Variants in FBXW7 observed in about 807,000 individuals in gnomAD.
FBXW7 encodes F-box/WD repeat-containing protein 7.
FBXW7 carries 11 observed loss-of-function variants against 86.3 expected under a neutral mutation model. That is an observed-to-expected ratio of 0.13 (90% CI 0.08 to 0.21). FBXW7 has a LOEUF of 0.21. FBXW7 is among the 10% of genes least tolerant of loss of function. The probability of loss-of-function intolerance (pLI) is 1.00; values close to 1 mark genes in which losing one functional copy is unlikely to be tolerated. For missense variants in FBXW7, 488 were observed against 847.4 expected, an observed-to-expected ratio of 0.58 and a Z score of 5.27; for synonymous variants, 313 against 297.9, an observed-to-expected ratio of 1.05 and a Z score of -0.52.
In FBXW7 at chr4:152,324,293, C is replaced by T. The variant is rs1184624754; in HGVS notation, c.1746G>A (p.Ser582=). ...NCIHTLTGHQ[S]LTSGMELKDN... ...CTTTGAGTTCCATTCCACTTGTTAACGACTGGTGCCCTGTTAACGTGTGAA... is the reference window on the plus strand; with the variant it reads ...CTTTGAGTTCCATTCCACTTGTTAATGACTGGTGCCCTGTTAACGTGTGAA... Residue 582 remains serine, a synonymous_variant, in exon 13 of 14, where the codon TCG becomes TCA. Coordinates refer to ENST00000281708, the MANE Select transcript of FBXW7 (RefSeq NM_001349798.2). The T allele has an allele frequency of 1.9e-6, 3 of 1,612,982 alleles. No individual in the cohort carries two copies. The highest frequency in any genetic ancestry group is 1.6e-4 in the Middle Eastern group (1 of 6,064).
intron 2 of FBXW7, among the ~76,000 whole-genome samples, chr4:152,477,765 C>T (rs1579307700): frequency 6.6e-6 from 1 of 152,020 alleles, no homozygotes; most frequent in African/African-American, 2.4e-5. Context: ...GACACCTTTT[C>T]CAGTTTGGTT....
At chr4:152,458,388 A>G (rs765209919) in intron 2 of FBXW7, among the ~76,000 whole-genome samples, 44 of 152,128 alleles carry the variant, frequency 2.9e-4, no homozygotes, top group Non-Finnish European at 8.8e-5. Flanking sequence ...GAGCACATCT[A>G]TTTTCATCTT....
intron 4 of FBXW7, among the ~76,000 whole-genome samples, chr4:152,397,695 CAAAAAAAAAAAAAAA>C (rs397995836): frequency 5.0e-5 from 3 of 60,406 alleles, no homozygotes; most frequent in Non-Finnish European, 1.0e-4. Context: ...CCTAAGAAGC[CAAAAAAAAAAAAAAA>C]AAAAAAAAAA....
Position 152,411,528 on chromosome 4 carries a change from T to C in FBXW7, c.276A>G (p.Ser92=), listed in dbSNP as rs527954747. ...CTTCCTCTTGTTCTTCTTGGTTTCCTGAGGAGTCCTCATCTACCGAAATAA... is the reference window on the plus strand; with the variant it reads ...CTTCCTCTTGTTCTTCTTGGTTTCCCGAGGAGTCCTCATCTACCGAAATAA... ...NRFISVDEDS[S]GNQEEQEEDE... The change falls in exon 4 of 14, where the codon TCA becomes TCG. Residue 92 remains serine (S), a synonymous_variant. Coordinates refer to ENST00000281708, the MANE Select transcript of FBXW7 (RefSeq NM_001349798.2). 11 of 1,613,974 alleles carry C rather than the reference T, an allele frequency of 6.8e-6. No individual in the cohort carries two copies. In the East Asian group the frequency reaches 1.8e-4, roughly 26 times the overall value.
At chr4:152,473,260 A>G (rs1744120148) in intron 2 of FBXW7, among the ~76,000 whole-genome samples, 1 of 152,150 alleles carries the variant, frequency 6.6e-6, no homozygotes, top group Non-Finnish European at 1.5e-5. Context: ...AACAAAAACA[A>G]AAGTCTTGCT....
chr4:152,482,652 T>C (rs1302949332), intron 2 of FBXW7, among the ~76,000 whole-genome samples: 1 of 152,162 alleles, frequency 6.6e-6, no homozygotes, highest in African/African-American at 2.4e-5. Flanking sequence ...GCTACTGAGA[T>C]TGTCCATGCT....
intron 2 of FBXW7, among the ~76,000 whole-genome samples, chr4:152,493,233 T>A (rs963577164): frequency 2.6e-5 from 4 of 152,000 alleles, no homozygotes; most frequent in Admixed American, 2.0e-4. Flanking sequence ...GGCGCAATCT[T>A]GGCTCACTGC....
At chr4:152,428,408 T>G (rs1275958414) in intron 2 of FBXW7, among the ~76,000 whole-genome samples, 1 of 152,206 alleles carries the variant, frequency 6.6e-6, no homozygotes, top group African/African-American at 2.4e-5. Flanking sequence ...CTAATAAATA[T>G]TCTTTATTCT....
intron 12 of FBXW7, chr4:152,325,752 A>T: frequency 4.8e-6 from 2 of 412,666 alleles, no homozygotes; most frequent in Non-Finnish European, 8.7e-6. Context: ...CAAAACTTAG[A>T]GCCCCAAAGT....
At chr4:152,470,374 A>G (rs1409161386) in intron 2 of FBXW7, among the ~76,000 whole-genome samples, 2 of 152,134 alleles carry the variant, frequency 1.3e-5, no homozygotes, top group Non-Finnish European at 2.9e-5. Flanking sequence ...CATATAATGT[A>G]ACACATTCTG....
intron 2 of FBXW7, among the ~76,000 whole-genome samples, chr4:152,455,560 G>GTT (rs1742324759): frequency 6.6e-6 from 1 of 152,038 alleles, no homozygotes; most frequent in Non-Finnish European, 1.5e-5. Context: ...GATAATCTAG[G>GTT]TTTTCTCCAT....
chr4:152,324,523 AGATAAAGTGGCAATGAG>A (rs1728834052), intron 12 of FBXW7, 129 bp from the exon 13 acceptor site: 3 of 703,530 alleles, frequency 4.3e-6, no homozygotes, highest in Non-Finnish European at 7.2e-6. Context: ...TGAGGTACTA[AGATAAAGTGGCAATGAG>A]GATAAAGTGC....
At chr4:152,443,796 C>T (rs773510694) in intron 2 of FBXW7, among the ~76,000 whole-genome samples, 4 of 152,096 alleles carry the variant, frequency 2.6e-5, no homozygotes, top group Non-Finnish European at 5.9e-5. Context: ...AAAGGATTTA[C>T]AATCTTCTAA....
intron 2 of FBXW7, among the ~76,000 whole-genome samples, chr4:152,511,331 G>A (rs1367508454): frequency 2.0e-5 from 3 of 147,136 alleles, no homozygotes; most frequent in Non-Finnish European, 4.5e-5. Context: ...GTCCTCTGTG[G>A]AGTGCATGAC....
chr4:152,474,622 A>C (rs902182493), intron 2 of FBXW7, among the ~76,000 whole-genome samples: 1 of 152,196 alleles, frequency 6.6e-6, no homozygotes, highest in Non-Finnish European at 1.5e-5. Context: ...CTTATACAGA[A>C]TTGAATCCTA....
chr4:152,402,805 T>TC (rs1320520950), intron 4 of FBXW7, among the ~76,000 whole-genome samples: 3 of 152,184 alleles, frequency 2.0e-5, no homozygotes, highest in Non-Finnish European at 2.9e-5. Flanking sequence ...AGCAATCTTC[T>TC]CCTATGAAAA....
At chr4:152,391,144 C>A (rs79195900) in intron 4 of FBXW7, among the ~76,000 whole-genome samples, 2,076 of 151,954 alleles carry the variant, frequency 0.014, 26 homozygotes, top group Middle Eastern at 0.034. Flanking sequence ...ATGTGCTATG[C>A]AAGTATGTGA....
At chr4:152,412,800 G>A (rs1738086023) in intron 2 of FBXW7, among the ~76,000 whole-genome samples, 1 of 152,008 alleles carries the variant, frequency 6.6e-6, no homozygotes, top group South Asian at 2.1e-4. Flanking sequence ...ACTGTATGAA[G>A]ACTAGAAGAC....
At chr4:152,484,387 T>C (rs1297088074) in intron 2 of FBXW7, among the ~76,000 whole-genome samples, 2 of 152,164 alleles carry the variant, frequency 1.3e-5, no homozygotes, top group East Asian at 1.9e-4. Context: ...ATGACCCTTT[T>C]TGCAGTTCAA....
Sources: gnomAD v4.1 joint callset for allele counts (sites outside exome capture counted in the v4.1 genomes callset) on GRCh38, gnomAD v4.1.1 for gene constraint, MANE v1.5 for transcripts, NCBI Gene and HGNC (gene_info 2026-07-23, HGNC 2026-07-21) for gene names.